PTPRT: variants seen among roughly 807,000 people sequenced by gnomAD.
PTPRT encodes protein tyrosine phosphatase receptor type T.
In PTPRT, 56 loss-of-function variants were observed where a neutral mutation model predicts 176.8. That is an observed-to-expected ratio of 0.32 (90% CI 0.26 to 0.40). The LOEUF is 0.40. Among genes scored for constraint, PTPRT ranks in the 10% least tolerant of loss-of-function variants. The pLI, the probability that PTPRT is intolerant of heterozygous loss-of-function variation, is 1.00. For missense variants in PTPRT, 1,540 were observed against 1,908.2 expected, an observed-to-expected ratio of 0.81 and a Z score of 3.60; for synonymous variants, 783 against 739.0, an observed-to-expected ratio of 1.06 and a Z score of -0.96.
intron 4 of PTPRT, among the ~76,000 whole-genome samples, chr20:42,776,643 G>T (rs952240823): frequency 5.3e-5 from 8 of 151,780 alleles, no homozygotes; most frequent in South Asian, 2.1e-4. Flanking sequence ...GAGGGGTTTT[G>T]TTATAGCAGC....
chr20:42,503,420 C>T (rs2071790389), intron 7 of PTPRT, among the ~76,000 whole-genome samples: 1 of 151,992 alleles, frequency 6.6e-6, no homozygotes, highest in Non-Finnish European at 1.5e-5. Context: ...GCCTTTAAGA[C>T]ATTTTCATGA....
intron 1 of PTPRT, among the ~76,000 whole-genome samples, chr20:42,940,331 CT>C (rs1980459358): frequency 6.6e-6 from 1 of 152,170 alleles, no homozygotes; most frequent in Admixed American, 6.5e-5. Flanking sequence ...AGTTAGCAGC[CT>C]TTGATGTTGT....
intron 1 of PTPRT, among the ~76,000 whole-genome samples, chr20:42,891,208 G>A (rs527962463): frequency 4.1e-4 from 63 of 152,216 alleles, no homozygotes; most frequent in Non-Finnish European, 5.7e-4. Flanking sequence ...AAGTGATCTC[G>A]ACCTCACCAC....
chr20:42,150,732 G>A (rs6016697), intron 17 of PTPRT, among the ~76,000 whole-genome samples: 20,354 of 151,740 alleles, frequency 0.13, 3,496 homozygotes, highest in African/African-American at 0.4. Flanking sequence ...AAAAGAGTCA[G>A]TAATACATCC....
intron 13 of PTPRT, among the ~76,000 whole-genome samples, chr20:42,261,142 G>A (rs1442905403): frequency 1.3e-5 from 2 of 152,158 alleles, no homozygotes; most frequent in Non-Finnish European, 2.9e-5. Flanking sequence ...AAATCAAGGT[G>A]ACAGCATGGC....
chr20:42,515,878 G>A (rs1192928465), intron 7 of PTPRT, among the ~76,000 whole-genome samples: 1 of 149,682 alleles, frequency 6.7e-6, no homozygotes, highest in Admixed American at 6.7e-5. Context: ...TGATAGACTG[G>A]ATTAAGAAAA....
At chr20:42,719,623 G>T in intron 6 of PTPRT, among the ~76,000 whole-genome samples, 1 of 152,194 alleles carries the variant, frequency 6.6e-6, no homozygotes. Flanking sequence ...AAAGGCTATT[G>T]TGAGAAGTAA....
At chr20:42,597,445 G>A (rs2145778207) in intron 7 of PTPRT, among the ~76,000 whole-genome samples, 1 of 152,270 alleles carries the variant, frequency 6.6e-6, no homozygotes, top group Admixed American at 6.5e-5. Flanking sequence ...TAATCCCAAT[G>A]TTGGAAGCAG....
At chr20:42,672,958 A>G (rs2146044472) in intron 7 of PTPRT, among the ~76,000 whole-genome samples, 1 of 152,348 alleles carries the variant, frequency 6.6e-6, no homozygotes, top group East Asian at 1.9e-4. Context: ...TGCCTAGCAC[A>G]GAATTTGGCA....
intron 6 of PTPRT, among the ~76,000 whole-genome samples, chr20:42,706,354 C>A (rs1438259541): frequency 6.6e-6 from 1 of 152,032 alleles, no homozygotes; most frequent in Non-Finnish European, 1.5e-5. Context: ...ATTGGCTCAT[C>A]TTTGCAACCA....
At chr20:42,769,193 A>G (rs2077027748) in intron 5 of PTPRT, among the ~76,000 whole-genome samples, 1 of 152,176 alleles carries the variant, frequency 6.6e-6, no homozygotes, top group Admixed American at 6.5e-5. Flanking sequence ...CTGTGCTGCT[A>G]TTTGCACTCT....
intron 16 of PTPRT, among the ~76,000 whole-genome samples, chr20:42,180,597 T>C (rs566510942): frequency 1.3e-5 from 2 of 152,350 alleles, no homozygotes; most frequent in East Asian, 3.9e-4. Context: ...TTCTGTATTC[T>C]TCACTGATGT....
intron 17 of PTPRT, among the ~76,000 whole-genome samples, chr20:42,152,102 G>A (rs535396584): frequency 2.0e-5 from 3 of 152,318 alleles, no homozygotes; most frequent in African/African-American, 7.2e-5. Context: ...CATGCATACG[G>A]CAGAAATTTT....
At chr20:42,223,335 C>T (rs2055929242) in intron 15 of PTPRT, among the ~76,000 whole-genome samples, 1 of 152,136 alleles carries the variant, frequency 6.6e-6, no homozygotes, top group Non-Finnish European at 1.5e-5. Context: ...GTGTTATTGT[C>T]CCCAATTTAC....
intron 4 of PTPRT, among the ~76,000 whole-genome samples, chr20:42,772,203 T>C (rs903399017): frequency 1.3e-5 from 2 of 152,140 alleles, no homozygotes; most frequent in Middle Eastern, 3.2e-3. Context: ...CTGTCATTCT[T>C]AGCGCTTGCC....
At chr20:42,523,282 T>C (rs934412591) in intron 7 of PTPRT, among the ~76,000 whole-genome samples, 1 of 152,338 alleles carries the variant, frequency 6.6e-6, no homozygotes, top group Non-Finnish European at 1.5e-5. Flanking sequence ...ACCATGCAGA[T>C]CTTGTAGCTG....
At chr20:42,054,093 G>A in the PTPRT span, among the ~76,000 whole-genome samples, 2 of 152,166 alleles carry the variant, frequency 1.3e-5, no homozygotes, top group Non-Finnish European at 1.5e-5. Flanking sequence ...GCCACAGAGA[G>A]GCCTTGAGTA....
chr20:42,725,494 G>C (rs1163703663), intron 6 of PTPRT, among the ~76,000 whole-genome samples: 1 of 151,982 alleles, frequency 6.6e-6, no homozygotes, highest in Non-Finnish European at 1.5e-5. Flanking sequence ...AATGAGAAAA[G>C]TGAGGTTCAG....
At chr20:42,864,189 C>T (rs2078706459) in intron 2 of PTPRT, among the ~76,000 whole-genome samples, 1 of 152,230 alleles carries the variant, frequency 6.6e-6, no homozygotes, top group African/African-American at 2.4e-5. Context: ...GGGCCTTCTG[C>T]TGAGTCTCAG....
Sources: gnomAD v4.1 joint callset for allele counts (sites outside exome capture counted in the v4.1 genomes callset) on GRCh38, gnomAD v4.1.1 for gene constraint, MANE v1.5 for transcripts, NCBI Gene and HGNC (gene_info 2026-07-23, HGNC 2026-07-21) for gene names.